The following GNAO1 variants were observed in gnomAD, a reference collection of about 807,000 sequenced individuals.
The protein encoded by GNAO1 is guanine nucleotide-binding protein G(o) subunit alpha.
For synonymous variants in GNAO1, 164 were observed against 180.7 expected, an observed-to-expected ratio of 0.91 and a Z score of 0.74; for missense variants, 166 against 478.7, an observed-to-expected ratio of 0.35 and a Z score of 6.10.
At chr16:56,240,903 T>C (rs1268635144) in intron 2 of GNAO1, among the ~76,000 whole-genome samples, 2 of 152,010 alleles carry the variant, frequency 1.3e-5, no homozygotes, top group African/African-American at 2.4e-5. Flanking sequence ...CCCACCCCGA[T>C]GGAGAAGGAG....
chr16:56,341,809 G>A (rs548758852), intron 6 of GNAO1, among the ~76,000 whole-genome samples: 171 of 152,282 alleles, frequency 1.1e-3, no homozygotes, highest in African/African-American at 3.9e-3. Context: ...AGCATAGCTC[G>A]GGTGCCCATC....
At chr16:56,255,772 T>A (rs2036840767) in intron 2 of GNAO1, among the ~76,000 whole-genome samples, 1 of 152,102 alleles carries the variant, frequency 6.6e-6, no homozygotes, top group African/African-American at 2.4e-5. Flanking sequence ...TTAAGTTAGA[T>A]CCCCCTGGAT....
intron 3 of GNAO1, among the ~76,000 whole-genome samples, chr16:56,279,633 T>C (rs1265484331): frequency 6.6e-6 from 1 of 152,188 alleles, no homozygotes; most frequent in Non-Finnish European, 1.5e-5. Flanking sequence ...AGGAAGAAAC[T>C]CAGCTCAGGG....
chr16:56,347,966 C>G (rs1272470681), intron 6 of GNAO1: 22 of 974,480 alleles, frequency 2.3e-5, no homozygotes, highest in Middle Eastern at 5.2e-4. Context: ...CCCCCTCCCC[C>G]ATCTAGGCGA....
At chr16:56,293,596 G>A (rs755307198) in intron 3 of GNAO1, among the ~76,000 whole-genome samples, 1 of 152,208 alleles carries the variant, frequency 6.6e-6, no homozygotes, top group Non-Finnish European at 1.5e-5. Flanking sequence ...TGGAATATGA[G>A]ATTAAATGGT....
intron 2 of GNAO1, chr16:56,192,941 T>A (rs1258169577): frequency 5.2e-5 from 14 of 267,272 alleles, no homozygotes; most frequent in Non-Finnish European, 8.7e-5. Context: ...TGTGGAATAT[T>A]TTCTGTGTCT....
At chr16:56,327,009 G>A (rs1408633239) in intron 3 of GNAO1, among the ~76,000 whole-genome samples, 3 of 152,120 alleles carry the variant, frequency 2.0e-5, no homozygotes, top group African/African-American at 7.2e-5. Context: ...ACTCACCATC[G>A]GGTTGTTAAG....
chr16:56,231,643 CT>C (rs2036589499), intron 2 of GNAO1, among the ~76,000 whole-genome samples: 1 of 152,120 alleles, frequency 6.6e-6, no homozygotes, highest in South Asian at 2.1e-4. Flanking sequence ...AATGAGCACC[CT>C]TTTCTGAACC....
At chr16:56,199,194 A>G (rs1291810983) in intron 2 of GNAO1, among the ~76,000 whole-genome samples, 4 of 152,186 alleles carry the variant, frequency 2.6e-5, no homozygotes, top group African/African-American at 9.6e-5. Flanking sequence ...GTATCCATGA[A>G]AGTTCTTTTA....
At chr16:56,272,126 G>A (rs1395328236) in intron 2 of GNAO1, among the ~76,000 whole-genome samples, 2 of 152,118 alleles carry the variant, frequency 1.3e-5, no homozygotes, top group Admixed American at 6.5e-5. Context: ...TCCTGTTGTC[G>A]GTGAAACCCC....
chr16:56,198,272 C>G (rs1355177427), intron 2 of GNAO1, among the ~76,000 whole-genome samples: 1 of 152,194 alleles, frequency 6.6e-6, no homozygotes, highest in Admixed American at 6.5e-5. Context: ...GAACTCCATC[C>G]TAAGAATTTC....
chr16:56,330,087 G>A (rs898081214), intron 4 of GNAO1, among the ~76,000 whole-genome samples: 7 of 152,222 alleles, frequency 4.6e-5, no homozygotes, highest in Non-Finnish European at 7.3e-5. Flanking sequence ...GCCGGGAGCG[G>A]CTTCCCATTT....
chr16:56,275,472 A>G (rs1304805391), intron 2 of GNAO1, among the ~76,000 whole-genome samples: 1 of 152,212 alleles, frequency 6.6e-6, no homozygotes, highest in Non-Finnish European at 1.5e-5. Context: ...TAAGTGAATC[A>G]TTTTACCTTC....
At chr16:56,230,721 G>A (rs2036581923) in intron 2 of GNAO1, among the ~76,000 whole-genome samples, 1 of 152,104 alleles carries the variant, frequency 6.6e-6, no homozygotes, top group African/African-American at 2.4e-5. Flanking sequence ...CCAGACTCCA[G>A]GATTTCCATT....
rs1351265222 is a variant in GNAO1, at chr16:56,346,815, G to A, written c.724-4569G>A. 9.1e-6 allele frequency: 9 copies of A among 985,338 alleles called. No homozygotes were observed. The African/African-American group carries it at 1.2e-4, about 13-fold the overall frequency. 61.0% of individuals were successfully genotyped at this position (985,338 alleles called of 1,614,324 possible). ...ACTGGTCTTCTCTGAGTATTCTTAG[G>A]AGCAGAGGCAGCCCCAAGTTCCAAC... On this transcript the variant is annotated intron_variant, in intron 6 of 8. Transcript: ENST00000262493.
Position 56,284,994 on chromosome 16 carries a change from T to C in GNAO1, c.303+8922T>C, listed in dbSNP as rs1485799702. 5.9e-5 allele frequency among the ~76,000 whole-genome samples: 9 copies of C among 152,216 alleles called. 1 individual carries two copies. The highest frequency in any genetic ancestry group is 5.9e-4 in the Admixed American group (9 of 15,282). The stretch of plus-strand genomic sequence containing the variant: ...CTCAGCCTCCAGGGCTCCAGCACAT[T>C]GGCCCCTGCAGAGGCCCCAGCCAGC... On this transcript the variant is annotated intron_variant, in intron 3 of 8. Transcript: ENST00000262493.
intron 2 of GNAO1, among the ~76,000 whole-genome samples, chr16:56,254,810 TA>T (rs1159716337): frequency 6.6e-6 from 1 of 152,176 alleles, no homozygotes; most frequent in East Asian, 1.9e-4. Flanking sequence ...TATGTTCCCA[TA>T]GAGAACACAG....
chr16:56,318,082 A>G (rs1189955281), intron 3 of GNAO1, among the ~76,000 whole-genome samples: 1 of 152,132 alleles, frequency 6.6e-6, no homozygotes, highest in African/African-American at 2.4e-5. Context: ...TACCACTTCC[A>G]CTGAGAGTCA....
intron 2 of GNAO1, among the ~76,000 whole-genome samples, chr16:56,230,963 C>T (rs1417882180): frequency 2.6e-5 from 4 of 152,126 alleles, no homozygotes; most frequent in Non-Finnish European, 5.9e-5. Flanking sequence ...GGAGTTGGTG[C>T]CCTGGGTGTC....
Sources: gnomAD v4.1 joint callset for allele counts (sites outside exome capture counted in the v4.1 genomes callset) on GRCh38, gnomAD v4.1.1 for gene constraint, MANE v1.5 for transcripts, NCBI Gene and HGNC (gene_info 2026-07-23, HGNC 2026-07-21) for gene names.